RBFOX1: variants seen among roughly 807,000 people sequenced by gnomAD.
The protein encoded by RBFOX1 is RNA binding protein fox-1 homolog 1.
A neutral mutation model predicts 57.7 loss-of-function variants in RBFOX1; 8 were observed. The ratio of observed to expected loss-of-function variants is 0.14; its 90% CI spans 0.08 to 0.25. The LOEUF (loss-of-function observed/expected upper bound fraction) is 0.25. Among genes scored for constraint, RBFOX1 ranks in the 10% least tolerant of loss-of-function variants. The pLI, the probability that RBFOX1 is intolerant of heterozygous loss-of-function variation, is 1.00. For missense variants in RBFOX1, 611 were observed against 548.5 expected (o/e 1.11, Z -1.14); for synonymous variants, 326 against 222.4 (o/e 1.47, Z -4.15).
At chr16:7,027,522 G>C (rs1200497007) in intron 3 of RBFOX1, among the ~76,000 whole-genome samples, 2 of 62,156 alleles carry the variant, frequency 3.2e-5, no homozygotes, top group African/African-American at 1.2e-4. Flanking sequence ...TCTGGCTTCA[G>C]GGCTTTTTTT....
At chr16:6,659,168 G>T (rs549873830) in intron 3 of RBFOX1, among the ~76,000 whole-genome samples, 1 of 152,168 alleles carries the variant, frequency 6.6e-6, no homozygotes, top group South Asian at 2.1e-4. Context: ...TAAAGACTGA[G>T]ATTCAGGTGA....
At chr16:7,239,425 G>A (rs1157174852) in intron 4 of RBFOX1, among the ~76,000 whole-genome samples, 1 of 152,170 alleles carries the variant, frequency 6.6e-6, no homozygotes. Flanking sequence ...CTTAAACCTG[G>A]GAGCTGGAGG....
At chr16:5,366,469 T>C in intron 1 of RBFOX1, 1 of 438,152 alleles carries the variant, frequency 2.3e-6, no homozygotes. Flanking sequence ...AACACCAAGA[T>C]CAAAAGGGCA....
chr16:6,471,172 C>T (rs1268430105), intron 2 of RBFOX1, among the ~76,000 whole-genome samples: 1 of 152,206 alleles, frequency 6.6e-6, no homozygotes, highest in Non-Finnish European at 1.5e-5. Flanking sequence ...CACATCTCTG[C>T]ACCTTTGCAT....
At chr16:5,685,829 A>G (rs979594942) in intron 3 of RBFOX1, among the ~76,000 whole-genome samples, 5 of 152,222 alleles carry the variant, frequency 3.3e-5, no homozygotes, top group African/African-American at 1.2e-4. Context: ...CTCCTAGTAC[A>G]TAGCAATTTC....
At chr16:6,104,058 G>A (rs930806395) in intron 1 of RBFOX1, among the ~76,000 whole-genome samples, 2 of 151,984 alleles carry the variant, frequency 1.3e-5, no homozygotes, top group Admixed American at 1.3e-4. Flanking sequence ...AGCCTAGCAG[G>A]ATTGTCCACT....
At chr16:6,629,293 A>C (rs2098353069) in intron 2 of RBFOX1, among the ~76,000 whole-genome samples, 1 of 152,216 alleles carries the variant, frequency 6.6e-6, no homozygotes, top group Non-Finnish European at 1.5e-5. Flanking sequence ...ACGAGCATAT[A>C]AAATGTGCGA....
intron 3 of RBFOX1, among the ~76,000 whole-genome samples, chr16:6,714,562 G>A (rs1321479269): frequency 1.3e-5 from 2 of 152,220 alleles, no homozygotes; most frequent in East Asian, 3.9e-4. Flanking sequence ...ATTGGTAGAG[G>A]GGTTCTGCTT....
chr16:5,491,734 C>G (rs528522350), intron 2 of RBFOX1, among the ~76,000 whole-genome samples: 3 of 152,326 alleles, frequency 2.0e-5, no homozygotes, highest in East Asian at 1.9e-4. Flanking sequence ...CTTCTGTGGG[C>G]CAAGCCAGTG....
intron 4 of RBFOX1, among the ~76,000 whole-genome samples, chr16:5,867,537 C>A (rs966263613): frequency 6.6e-6 from 1 of 151,972 alleles, no homozygotes; most frequent in East Asian, 1.9e-4. Flanking sequence ...ATGGAGTGTG[C>A]GTGGTAAAGA....
At chr16:6,466,484 C>T (rs1444123306) in intron 2 of RBFOX1, among the ~76,000 whole-genome samples, 1 of 152,118 alleles carries the variant, frequency 6.6e-6, no homozygotes, top group Non-Finnish European at 1.5e-5. Context: ...AAATAACTTG[C>T]CACGTTTCTT....
At chr16:5,411,986 GT>G (rs1263710380) in intron 1 of RBFOX1, among the ~76,000 whole-genome samples, 1 of 152,166 alleles carries the variant, frequency 6.6e-6, no homozygotes, top group Non-Finnish European at 1.5e-5. Flanking sequence ...ATTCTTATCT[GT>G]TTAATATTTC....
intron 1 of RBFOX1, among the ~76,000 whole-genome samples, chr16:6,109,944 T>C (rs2096425331): frequency 6.6e-6 from 1 of 152,158 alleles, no homozygotes; most frequent in Admixed American, 6.5e-5. Context: ...TGGTTTTACT[T>C]TTTATGTTTG....
chr16:7,631,946 G>A (rs2061034929), intron 11 of RBFOX1, among the ~76,000 whole-genome samples: 5 of 152,182 alleles, frequency 3.3e-5, no homozygotes, highest in Admixed American at 3.3e-4. Context: ...GTCTCACTCT[G>A]TTACCCAGGC....
At chr16:6,958,812 T>C (rs1250953230) in intron 3 of RBFOX1, among the ~76,000 whole-genome samples, 1 of 152,146 alleles carries the variant, frequency 6.6e-6, no homozygotes, top group Admixed American at 6.5e-5. Flanking sequence ...ATCGTGTCAT[T>C]ATGGAGATGA....
intron 4 of RBFOX1, among the ~76,000 whole-genome samples, chr16:7,225,796 C>A (rs1028701045): frequency 1.4e-5 from 2 of 147,192 alleles, no homozygotes; most frequent in Non-Finnish European, 3.0e-5. Flanking sequence ...GGAGATATAC[C>A]TAATGTAAAT....
intron 4 of RBFOX1, among the ~76,000 whole-genome samples, chr16:7,280,899 T>C (rs1446289096): frequency 1.3e-5 from 2 of 151,418 alleles, no homozygotes; most frequent in Non-Finnish European, 2.9e-5. Flanking sequence ...AAAGAAAGGG[T>C]ACATAATGGC....
At chr16:5,535,560 T>G (rs2044661229) in intron 2 of RBFOX1, among the ~76,000 whole-genome samples, 1 of 152,188 alleles carries the variant, frequency 6.6e-6, no homozygotes, top group Non-Finnish European at 1.5e-5. Context: ...ATCCTCTGTT[T>G]TGCAGCTCTA....
At chr16:6,810,404 A>T (rs1328850422) in intron 3 of RBFOX1, among the ~76,000 whole-genome samples, 1 of 152,156 alleles carries the variant, frequency 6.6e-6, no homozygotes, top group Admixed American at 6.5e-5. Context: ...CTAAGCGTGG[A>T]CAATGGTACT....
Sources: gnomAD v4.1 joint callset for allele counts (sites outside exome capture counted in the v4.1 genomes callset) on GRCh38, gnomAD v4.1.1 for gene constraint, MANE v1.5 for transcripts, NCBI Gene and HGNC (gene_info 2026-07-23, HGNC 2026-07-21) for gene names.